The following CPNE4 variants were observed in gnomAD, a reference collection of about 807,000 sequenced individuals.
CPNE4 encodes copine 4.
Under a neutral mutation model 67.9 loss-of-function variants are expected in CPNE4, and 25 were observed. The ratio of observed to expected loss-of-function variants is 0.37; its 90% CI spans 0.27 to 0.51. The LOEUF (loss-of-function observed/expected upper bound fraction) is 0.51, where lower values mean the gene tolerates loss of function less well. Ranked by LOEUF, CPNE4 falls within the 20% of genes least tolerant of loss-of-function variation. The pLI is 0.93. For synonymous variants in CPNE4, 242 were observed against 244.9 expected (o/e 0.99, Z 0.11); for missense variants, 464 against 690.8 (o/e 0.67, Z 3.68).
intron 2 of CPNE4, among the ~76,000 whole-genome samples, chr3:131,804,077 A>T (rs2084224973): frequency 6.6e-6 from 1 of 152,200 alleles, no homozygotes; most frequent in South Asian, 2.1e-4. Context: ...ACAAATCATT[A>T]TTGATTAATC....
At chr3:131,642,862 C>T (rs1220477462) in intron 7 of CPNE4, among the ~76,000 whole-genome samples, 1 of 152,114 alleles carries the variant, frequency 6.6e-6, no homozygotes, top group Non-Finnish European at 1.5e-5. Context: ...TATAAATAAC[C>T]CTGTCTAGGT....
chr3:131,627,254 T>A (rs2079102444), intron 7 of CPNE4, among the ~76,000 whole-genome samples: 1 of 151,342 alleles, frequency 6.6e-6, no homozygotes, highest in South Asian at 2.1e-4. Flanking sequence ...CTACTCTACC[T>A]GTGTGCTATA....
intron 2 of CPNE4, among the ~76,000 whole-genome samples, chr3:131,780,253 C>T (rs2083399437): frequency 6.6e-6 from 1 of 152,126 alleles, no homozygotes; most frequent in African/African-American, 2.4e-5. Context: ...AGTTCAGTCA[C>T]TGTTGAAAGC....
At chr3:132,032,278 T>C (rs1191081049) in intron 1 of CPNE4, among the ~76,000 whole-genome samples, 1 of 152,168 alleles carries the variant, frequency 6.6e-6, no homozygotes, top group Admixed American at 6.5e-5. Context: ...TCAAATATGC[T>C]GGGCCTGTGT....
At chr3:131,848,279 A>G (rs2086082321) in intron 2 of CPNE4, among the ~76,000 whole-genome samples, 1 of 152,176 alleles carries the variant, frequency 6.6e-6, no homozygotes, top group Non-Finnish European at 1.5e-5. Context: ...TAAAAAAGGG[A>G]AAAATGTATT....
At chr3:131,636,950 C>T (rs745456428) in intron 7 of CPNE4, among the ~76,000 whole-genome samples, 3 of 152,172 alleles carry the variant, frequency 2.0e-5, no homozygotes, top group Admixed American at 1.3e-4. Flanking sequence ...ACAATCACTA[C>T]AGTTCAGCTC....
intron 2 of CPNE4, among the ~76,000 whole-genome samples, chr3:131,792,709 GTGTA>G (rs1560323117): frequency 4.5e-5 from 4 of 88,302 alleles, no homozygotes; most frequent in South Asian, 3.7e-4. Context: ...ATACACACAC[GTGTA>G]TATATGTATA....
intron 7 of CPNE4, among the ~76,000 whole-genome samples, chr3:131,643,101 T>C (rs373697260): frequency 1.3e-5 from 2 of 152,196 alleles, no homozygotes. Flanking sequence ...GATAGGGATA[T>C]GGACAATTAA....
intron 7 of CPNE4, among the ~76,000 whole-genome samples, chr3:131,612,556 A>G (rs1033371959): frequency 1.3e-5 from 2 of 152,122 alleles, no homozygotes; most frequent in East Asian, 1.9e-4. Context: ...GAAAGAGAGA[A>G]TCCTGTACCT....
intron 8 of CPNE4, 40 bp downstream of exon 8, chr3:131,587,444 T>C (rs775218888): frequency 3.0e-6 from 4 of 1,323,542 alleles, no homozygotes; most frequent in Admixed American, 1.7e-5. Context: ...GGATGCATCA[T>C]ACCGACTGGA....
At chr3:131,673,976 C>T (rs762671112) in intron 6 of CPNE4, among the ~76,000 whole-genome samples, 3 of 151,058 alleles carry the variant, frequency 2.0e-5, no homozygotes, top group Non-Finnish European at 4.4e-5. Flanking sequence ...GTTGTGTTGA[C>T]GTATGTTTCT....
Position 131,567,289 on chromosome 3 carries a change from G to A in CPNE4, c.928-2940C>T, listed in dbSNP as rs1050949768. Among the ~76,000 whole-genome samples, 5 of 152,074 alleles carry A rather than the reference G, an allele frequency of 3.3e-5. No homozygotes were observed. In the South Asian group the frequency reaches 1.0e-3, roughly 32 times the overall value. On this transcript the variant is annotated intron_variant, in intron 10 of 15. Transcript: ENST00000429747. ...TTGGCAAAATTCTCCTAGCATGCAG[G>A]CACCTAGTGGCAGCATCTGAGCCAG...
intron 2 of CPNE4, among the ~76,000 whole-genome samples, chr3:131,849,465 A>C (rs1399950760): frequency 6.6e-6 from 1 of 152,150 alleles, no homozygotes; most frequent in South Asian, 2.1e-4. Context: ...GTGATGCTAC[A>C]TACTTTCGAA....
At chr3:131,740,954 T>C (rs2082343233) in intron 2 of CPNE4, among the ~76,000 whole-genome samples, 1 of 152,204 alleles carries the variant, frequency 6.6e-6, no homozygotes, top group Admixed American at 6.5e-5. Context: ...CTGTCAACTC[T>C]GCCAGAATGC....
intron 1 of CPNE4, among the ~76,000 whole-genome samples, chr3:131,969,674 C>T (rs2072452066): frequency 1.3e-5 from 2 of 152,158 alleles, no homozygotes; most frequent in South Asian, 4.1e-4. Flanking sequence ...GTCTAAGGGG[C>T]AGCAGGGTGC....
chr3:131,926,141 C>T (rs1239427662), intron 1 of CPNE4, among the ~76,000 whole-genome samples: 2 of 152,044 alleles, frequency 1.3e-5, no homozygotes, highest in Non-Finnish European at 2.9e-5. Context: ...TAGAATTAAC[C>T]ATGGAGAATT....
At chr3:131,773,950 T>C (rs2083231685) in intron 2 of CPNE4, among the ~76,000 whole-genome samples, 1 of 152,184 alleles carries the variant, frequency 6.6e-6, no homozygotes, top group Non-Finnish European at 1.5e-5. Flanking sequence ...TTCCTATTGC[T>C]GGACATTTTC....
intron 1 of CPNE4, among the ~76,000 whole-genome samples, chr3:132,027,313 TG>T (rs1405910510): frequency 6.6e-6 from 1 of 152,296 alleles, no homozygotes; most frequent in East Asian, 1.9e-4. Flanking sequence ...CACTTCACCT[TG>T]CTGAGTCTCT....
chr3:131,988,393 T>C (rs1471634202), intron 1 of CPNE4, among the ~76,000 whole-genome samples: 2 of 152,082 alleles, frequency 1.3e-5, no homozygotes, highest in Non-Finnish European at 2.9e-5. Flanking sequence ...CATAATCAGA[T>C]TTGCATTTTT....
Sources: gnomAD v4.1 joint callset for allele counts (sites outside exome capture counted in the v4.1 genomes callset) on GRCh38, gnomAD v4.1.1 for gene constraint, MANE v1.5 for transcripts, NCBI Gene and HGNC (gene_info 2026-07-23, HGNC 2026-07-21) for gene names.